RAB27A: variants seen among roughly 807,000 people sequenced by gnomAD.
RAB27A encodes the protein RAB27A, member RAS oncogene family.
RAB27A carries 17 observed loss-of-function variants against 20.8 expected under a neutral mutation model. The observed-to-expected ratio is 0.82, with a 90% CI of 0.56 to 1.23. RAB27A has a LOEUF of 1.23. Ranked by LOEUF, RAB27A falls within the 50% of genes most tolerant of loss-of-function variation. The pLI is 0.00. For synonymous variants in RAB27A, 85 were observed against 92.8 expected (o/e 0.92, Z 0.48); for missense variants, 277 against 266.7 (o/e 1.04, Z -0.27).
intron 6 of RAB27A, among the ~76,000 whole-genome samples, chr15:55,209,829 CATATATGTGTGTACACATATATGTGT>C (rs1894852207): frequency 8.1e-6 from 1 of 123,570 alleles, no homozygotes; most frequent in Non-Finnish European, 1.7e-5. Context: ...TGTATATATA[CATATATGTGTGTACACATATATGTGT>C]GTATATACAT....
chr15:55,239,124 G>C (rs1387648166), intron 2 of RAB27A, among the ~76,000 whole-genome samples: 1 of 152,140 alleles, frequency 6.6e-6, no homozygotes, highest in African/African-American at 2.4e-5. Context: ...TTGGTTCTGA[G>C]TATATTTTAC....
At chr15:55,317,858 C>A (rs190396192) in intron 1 of RAB27A, 19 of 394,928 alleles carry the variant, frequency 4.8e-5, no homozygotes, top group East Asian at 3.9e-4. Flanking sequence ...CCCAGGAAAT[C>A]TCTTCAAATC....
chr15:55,311,680 C>G (rs552908505), intron 2 of RAB27A, among the ~76,000 whole-genome samples: 1 of 152,302 alleles, frequency 6.6e-6, no homozygotes, highest in African/African-American at 2.4e-5. Context: ...ATAATTTATA[C>G]TTCCCTCAGG....
At chr15:55,296,186 G>A (rs1360761075) in intron 2 of RAB27A, among the ~76,000 whole-genome samples, 1 of 150,022 alleles carries the variant, frequency 6.7e-6, no homozygotes, top group Non-Finnish European at 1.5e-5. Flanking sequence ...GAGCCACCGT[G>A]CCCAGCCCCA....
intron 2 of RAB27A, among the ~76,000 whole-genome samples, chr15:55,297,273 T>A (rs1266712347): frequency 1.3e-5 from 2 of 152,228 alleles, no homozygotes; most frequent in Admixed American, 1.3e-4. Flanking sequence ...GTCAAAGAAA[T>A]ACGTGCATGT....
Position 55,205,584 on chromosome 15 carries a change from C to T in RAB27A, c.589G>A (p.Gly197Arg). 6.2e-7 allele frequency: 1 copy of T among 1,614,174 alleles called. No homozygotes were observed. The highest frequency in any genetic ancestry group is 8.5e-7 in the Non-Finnish European group (1 of 1,180,022). Residue 197 changes from glycine (G) to arginine (R), a missense_variant, in exon 7 of 7, where the codon GGA becomes AGA. Physicochemically the swap from Gly to Arg is moderately radical, Grantham distance 125. Transcript: ENST00000336787. ...GCATGACCATTTGATCGCACCACTC[C>T]TTCAGGAATCCAGGACTTGTCCACA... The part of the protein sequence containing the change: ...RCVDKSWIPE[G>R]VVRSNGHAST...
At chr15:55,260,907 GA>G (rs1321312622) in intron 2 of RAB27A, among the ~76,000 whole-genome samples, 2 of 151,956 alleles carry the variant, frequency 1.3e-5, no homozygotes, top group Non-Finnish European at 2.9e-5. Context: ...CACCAAGAGT[GA>G]ACTCCAATCT....
rs1894724904 is a variant in RAB27A at position 55,207,800 on chromosome 15, A to C, written c.468-2095T>G. On this transcript the variant is annotated intron_variant, in intron 6 of 6. Coordinates refer to ENST00000336787, the MANE Select transcript of RAB27A (RefSeq NM_183235.3). The stretch of plus-strand genomic sequence containing the variant: ...CAAGTTCAAGCGATTCTCGTCCCTC[A>C]GCCTCCCAAGTAGCTGGGACTACAG... Among the ~76,000 whole-genome samples the C allele has an allele frequency of 2.0e-5, 3 of 152,044 alleles. No individual in the cohort carries two copies. The South Asian group carries it at 6.2e-4, about 31-fold the overall frequency.
intron 2 of RAB27A, among the ~76,000 whole-genome samples, chr15:55,305,385 C>T (rs893470324): frequency 3.9e-5 from 6 of 152,164 alleles, no homozygotes; most frequent in Admixed American, 2.6e-4. Flanking sequence ...CAGGGGTCCA[C>T]GGTAGATCTT....
chr15:55,260,281 C>G (rs1277245944), intron 2 of RAB27A, among the ~76,000 whole-genome samples: 1 of 152,172 alleles, frequency 6.6e-6, no homozygotes, highest in Non-Finnish European at 1.5e-5. Context: ...AAAACACTGA[C>G]AACATCAAAT....
chr15:55,300,874 G>A (rs1566940170), intron 2 of RAB27A, among the ~76,000 whole-genome samples: 1 of 151,920 alleles, frequency 6.6e-6, no homozygotes, highest in Admixed American at 6.6e-5. Context: ...AGAGCCCAGT[G>A]ATTTAAATAG....
upstream of RAB27A, among the ~76,000 whole-genome samples, chr15:55,292,551 AG>A (rs1307433759): frequency 6.6e-6 from 1 of 152,238 alleles, no homozygotes; most frequent in Non-Finnish European, 1.5e-5. Flanking sequence ...ACTGGGATGT[AG>A]GGGTGTGAAA....
chr15:55,298,465 G>A (rs1342109143), intron 2 of RAB27A, among the ~76,000 whole-genome samples: 1 of 152,108 alleles, frequency 6.6e-6, no homozygotes. Context: ...GAATAGGTGT[G>A]GGTCACAGAC....
At chr15:55,256,860 A>T (rs1408807106) in intron 2 of RAB27A, among the ~76,000 whole-genome samples, 1 of 152,158 alleles carries the variant, frequency 6.6e-6, no homozygotes, top group African/African-American at 2.4e-5. Flanking sequence ...ATGCTGTATG[A>T]TTCCAGGTTC....
At position 55,307,792 on chromosome 15, in the gene RAB27A, C is replaced by T. The variant is rs904825191; in HGVS notation, c.-112+6247G>A. On this transcript the variant is annotated intron_variant, in intron 2 of 5. Transcript: ENST00000563262. ...TCTTTGTTCTCCTGAAGGAGCTTGG[C>T]GATAAGGCAGGGGATTATTTCTTTG... 5.3e-5 allele frequency among the ~76,000 whole-genome samples: 8 copies of T among 150,264 alleles called. 1 individual carries two copies. The highest frequency in any genetic ancestry group is 9.8e-5 in the African/African-American group (4 of 40,630).
intron 1 of RAB27A, among the ~76,000 whole-genome samples, chr15:55,276,227 C>CAATG (rs1325070160): frequency 6.6e-6 from 1 of 151,838 alleles, no homozygotes; most frequent in Admixed American, 6.6e-5. Context: ...TGTCCACTGA[C>CAATG]AATGAATGAA....
intron 2 of RAB27A, among the ~76,000 whole-genome samples, chr15:55,242,274 A>G (rs1439729622): frequency 1.3e-5 from 2 of 152,226 alleles, no homozygotes; most frequent in Non-Finnish European, 2.9e-5. Flanking sequence ...CATCCTTAAA[A>G]AGAACTTCAT....
chr15:55,250,581 C>T (rs778804871), intron 2 of RAB27A, among the ~76,000 whole-genome samples: 8 of 152,204 alleles, frequency 5.3e-5, no homozygotes, highest in Non-Finnish European at 7.3e-5. Context: ...CAGATGTTTG[C>T]TTTCATCCTG....
intron 1 of RAB27A, among the ~76,000 whole-genome samples, chr15:55,282,417 A>C (rs180843079): frequency 1.1e-4 from 16 of 152,338 alleles, no homozygotes; most frequent in African/African-American, 3.4e-4. Context: ...CAATTCTGTA[A>C]GTGTAACAAA....
Sources: allele counts gnomAD v4.1 joint callset (sites outside exome capture counted in the v4.1 genomes callset), GRCh38; gene constraint gnomAD v4.1.1; transcripts MANE v1.5; gene names NCBI Gene and HGNC (gene_info 2026-07-23, HGNC 2026-07-21).